Variants in CUX2 observed in about 807,000 individuals in gnomAD.
CUX2 encodes the protein homeobox protein cut-like 2.
Under a neutral mutation model 144.8 loss-of-function variants are expected in CUX2, and 40 were observed. That is an observed-to-expected ratio of 0.28 (90% CI 0.21 to 0.36). The LOEUF is 0.36. Ranked by LOEUF, CUX2 falls within the 10% of genes least tolerant of loss-of-function variation. The pLI is 1.00. For synonymous variants in CUX2, 827 were observed against 875.6 expected, an observed-to-expected ratio of 0.94 and a Z score of 0.98; for missense variants, 1,615 against 1,994.0, an observed-to-expected ratio of 0.81 and a Z score of 3.62.
At position 111,254,504 on chromosome 12, in the gene CUX2, G is replaced by A. The variant is rs754438337; in HGVS notation, c.223-9257G>A. On this transcript the variant is annotated intron_variant, in intron 3 of 21. Transcript: ENST00000261726. Reference sequence around the variant, plus strand: ...CTCTGAATCACTGACTTACACATGAGGGTTCAAAATGAATTAATGACTTCC... The same window carrying A: ...CTCTGAATCACTGACTTACACATGAAGGTTCAAAATGAATTAATGACTTCC... Among the ~76,000 whole-genome samples, 109 of 152,208 alleles carry A rather than the reference G, an allele frequency of 7.2e-4. 1 individual carries two copies. Among genetic ancestry groups the A allele is most frequent in the Non-Finnish European group, 1.3e-3 (89 of 68,046 alleles).
chr12:111,105,111 G>A (rs1315836844), intron 1 of CUX2, among the ~76,000 whole-genome samples: 1 of 152,160 alleles, frequency 6.6e-6, no homozygotes, highest in Admixed American at 6.5e-5. Context: ...GAATTGACTC[G>A]GGGGCCACAT....
chr12:111,189,650 T>C (rs1004050956), intron 1 of CUX2, among the ~76,000 whole-genome samples: 10 of 152,238 alleles, frequency 6.6e-5, no homozygotes, highest in African/African-American at 2.4e-4. Flanking sequence ...ACTGCTTCTA[T>C]GAACATTCCA....
chr12:111,039,825 G>A lies in CUX2; in HGVS notation c.63+5585G>A, dbSNP rs1014601436. On this transcript the variant is annotated intron_variant, in intron 1 of 21. Transcript: ENST00000261726. The surrounding 1 kb of genome is among the most constrained non-coding windows in gnomAD (Gnocchi z 4.2). ...GGGATTACAAGTGTGATGACCTTGG[G>A]CCCCTCCCCTTCTTTCTCCATCATG... 5.9e-5 allele frequency among the ~76,000 whole-genome samples: 9 copies of A among 152,142 alleles called. No homozygotes were observed. Among genetic ancestry groups the A allele is most frequent in the Non-Finnish European group, 1.0e-4 (7 of 68,020 alleles).
At chr12:111,099,425 C>A in intron 1 of CUX2, 1 of 399,012 alleles carries the variant, frequency 2.5e-6, no homozygotes. Flanking sequence ...GGTTTCTCTT[C>A]TTCCTTCATT....
At position 111,203,565 on chromosome 12, in the gene CUX2, A is replaced by G. The variant is rs555352241; in HGVS notation, c.64-10635A>G. ...CTCTCAAAAAAAAAAAAAAAGAAAA[A>G]AAAGAAAAAGTCAAGAAGGACCCAT... On this transcript the variant is annotated intron_variant, in intron 1 of 21. Transcript: ENST00000261726. Among the ~76,000 whole-genome samples, 10 of 152,018 alleles carry G rather than the reference A, an allele frequency of 6.6e-5. No individual in the cohort carries two copies. The East Asian group carries it at 1.9e-3, about 29-fold the overall frequency.
chr12:111,281,189 G>C (rs1434146237), intron 4 of CUX2, among the ~76,000 whole-genome samples: 1 of 152,136 alleles, frequency 6.6e-6, no homozygotes, highest in Non-Finnish European at 1.5e-5. Context: ...GAGGGGCTTT[G>C]GCATCTACGT....
chr12:111,170,703 G>C (rs1440339276), intron 1 of CUX2, among the ~76,000 whole-genome samples: 2 of 151,926 alleles, frequency 1.3e-5, no homozygotes, highest in African/African-American at 4.8e-5. Flanking sequence ...CTCTCCACTT[G>C]CTGCAGAAAC....
chr12:111,195,009 A>G (rs1243913104), intron 1 of CUX2, among the ~76,000 whole-genome samples: 1 of 152,174 alleles, frequency 6.6e-6, no homozygotes, highest in Non-Finnish European at 1.5e-5. Flanking sequence ...GGAGACCCAC[A>G]TGCGGGGGTG....
chr12:111,330,730 T>TATATACATATAC lies in CUX2; in HGVS notation c.2927-3706_2927-3705insCATATACATATA, dbSNP rs1565926331. On this transcript the variant is annotated intron_variant, in intron 18 of 21. Transcript: ENST00000261726. The stretch of plus-strand genomic sequence containing the variant: ...ATATATATATATATATATATATATA[T>TATATACATATAC]ATATATATATATATATATATAAAGA... Among the ~76,000 whole-genome samples the TATATACATATAC allele has an allele frequency of 5.4e-4, 28 of 51,570 alleles. 2 individuals are homozygous for TATATACATATAC. The highest frequency in any genetic ancestry group is 5.0e-3 in the East Asian group (15 of 2,988). 33.8% of individuals were successfully genotyped at this position (51,570 alleles called of 152,430 possible).
At chr12:111,198,697 G>A (rs887755988) in intron 1 of CUX2, among the ~76,000 whole-genome samples, 8 of 152,258 alleles carry the variant, frequency 5.3e-5, no homozygotes, top group Admixed American at 3.3e-4. Flanking sequence ...AGGCAGGGGT[G>A]CCAGTGGGGC....
Position 111,342,103 on chromosome 12 carries a change from AC to A in CUX2, c.3659+54del, listed in dbSNP as rs776973457. 16 of 1,558,438 alleles carry A rather than the reference AC, an allele frequency of 1.0e-5. No homozygotes were observed. In the African/African-American group the frequency reaches 2.0e-4, roughly 20 times the overall value. On this transcript the variant is annotated intron_variant, in intron 21 of 21. Transcript: ENST00000261726. Reference sequence around the variant, plus strand: ...AGGCGGGTGGCAGAATCCAGGTGGGACCCCTTCCCCATCCCAGGGCCTGGAG... The same window carrying A: ...AGGCGGGTGGCAGAATCCAGGTGGGACCCTTCCCCATCCCAGGGCCTGGAG...
At chr12:111,198,665 G>A (rs929548657) in intron 1 of CUX2, among the ~76,000 whole-genome samples, 1 of 152,240 alleles carries the variant, frequency 6.6e-6, no homozygotes. Flanking sequence ...AAAGGAGGAA[G>A]GAGAAAGTGG....
intron 1 of CUX2, among the ~76,000 whole-genome samples, chr12:111,121,369 C>CTTTTTTTTTTTTTTTT: frequency 1.7e-5 from 1 of 59,038 alleles, no homozygotes; most frequent in Non-Finnish European, 3.2e-5. Flanking sequence ...TTTCTTTTTT[C>CTTTTTTTTTTTTTTTT]TTTTTTTTTT....
In CUX2 at chr12:111,034,185, C is replaced by A; in HGVS notation, c.8C>A (p.Ala3Asp). Residue 3 changes from alanine to aspartate, a missense_variant, in exon 1 of 22, where the codon GCC (alanine) becomes GAC (aspartate). By Grantham distance (126) the Ala-to-Asp change is moderately radical (BLOSUM62 -2). Around this residue, in one of 12 missense-constraint regions of CUX2, gnomAD observed 64 missense variants for 64.9 expected, o/e 0.99. Transcript: ENST00000261726. This position sits in a 1 kb window ranked among gnomAD's most constrained non-coding sequence, Gnocchi z 4.2. MA[A>D]NVGSMFQYWK... is the part of the protein sequence containing the mutation. The stretch of plus-strand genomic sequence containing the variant: ...GTCTCGATAGCCCCCAAGATGGCCG[C>A]CAATGTGGGATCGATGTTTCAATAT... 7.1e-7 allele frequency: 1 copy of A among 1,400,802 alleles called. No homozygotes were observed. 86.8% of individuals were successfully genotyped at this position (1,400,802 alleles called of 1,614,324 possible). A position where few individuals can be genotyped will look rare whatever the true frequency, so the allele number is the denominator to read the frequency against.
At chr12:111,297,732 C>A (rs1357288709) in intron 8 of CUX2, among the ~76,000 whole-genome samples, 3 of 152,176 alleles carry the variant, frequency 2.0e-5, no homozygotes, top group Non-Finnish European at 4.4e-5. Flanking sequence ...GAACATGACC[C>A]GGTCCTCAGT....
intron 1 of CUX2, among the ~76,000 whole-genome samples, chr12:111,055,533 C>G (rs1231940621): frequency 1.3e-5 from 2 of 152,272 alleles, no homozygotes; most frequent in African/African-American, 4.8e-5. Context: ...CTGAGCAGAG[C>G]AGAGCATCTT....
At chr12:111,128,245 C>T (rs180981237) in intron 1 of CUX2, among the ~76,000 whole-genome samples, 354 of 152,318 alleles carry the variant, frequency 2.3e-3, no homozygotes, top group Non-Finnish European at 4.0e-3. Flanking sequence ...ACTAGGGGCA[C>T]TGCTTGAGGT....
intron 4 of CUX2, among the ~76,000 whole-genome samples, chr12:111,264,923 G>T (rs1884305187): frequency 6.6e-6 from 1 of 152,194 alleles, no homozygotes; most frequent in Admixed American, 6.5e-5. Flanking sequence ...CCCGGGGCTG[G>T]GGAGGGAGAT....
At position 111,034,176 on chromosome 12, in the gene CUX2, A is replaced by C; in HGVS notation, c.-2A>C. 1 of 1,398,242 alleles carries C rather than the reference A, an allele frequency of 7.2e-7. No homozygotes were observed. The highest frequency in any genetic ancestry group is 9.6e-7 in the Non-Finnish European group (1 of 1,046,396). 86.6% of individuals were successfully genotyped at this position (1,398,242 alleles called of 1,614,324 possible). On this transcript the variant is annotated 5_prime_UTR_variant, in exon 1 of 22. Coordinates refer to ENST00000261726, the MANE Select transcript of CUX2 (RefSeq NM_015267.4). This position sits in a 1 kb window ranked among gnomAD's most constrained non-coding sequence, Gnocchi z 4.2. ...TGTGTGCGCGTCTCGATAGCCCCCA[A>C]GATGGCCGCCAATGTGGGATCGATG... is the stretch of plus-strand genomic sequence containing the variant.
Sources: gnomAD v4.1 joint callset for allele counts (sites outside exome capture counted in the v4.1 genomes callset) on GRCh38, gnomAD v4.1.1 for gene constraint, gnomAD v4.1.1 regional missense constraint, Gnocchi (gnomAD v3.1) non-coding constraint, MANE v1.5 for transcripts, NCBI Gene and HGNC (gene_info 2026-07-23, HGNC 2026-07-21) for gene names.